The following NRG3 variants were observed in gnomAD, a reference collection of about 807,000 sequenced individuals.
NRG3 encodes pro-neuregulin-3, membrane-bound isoform.
In NRG3, 31 loss-of-function variants were observed where a neutral mutation model predicts 66.9. That is an observed-to-expected ratio of 0.46 (90% CI 0.35 to 0.63). NRG3 has a LOEUF of 0.63. NRG3 is among the 20% of genes least tolerant of loss of function. The pLI is 0.00. For synonymous variants in NRG3, 393 were observed against 359.4 expected (o/e 1.09, Z -1.06); for missense variants, 910 against 878.9 (o/e 1.04, Z -0.45).
At chr10:82,937,505 T>G (rs374115441) in intron 4 of NRG3, among the ~76,000 whole-genome samples, 2 of 152,172 alleles carry the variant, frequency 1.3e-5, no homozygotes, top group East Asian at 3.8e-4. Flanking sequence ...AAAGAAAAAC[T>G]GGAGAAAAGT....
In NRG3 at chr10:81,926,982, C is replaced by G. The variant is rs184410367; in HGVS notation, c.823+50819C>G. ...GCATGCTCTGGATTTTATGGCATTG[C>G]GTGTGGCGACAGTATTGTAATGTAA... On this transcript the variant is annotated intron_variant, in intron 1 of 8. Coordinates refer to ENST00000372141, the MANE Select transcript of NRG3 (RefSeq NM_001010848.4). 1.1e-3 allele frequency among the ~76,000 whole-genome samples: 174 copies of G among 152,222 alleles called. 1 individual carries two copies. The highest frequency in any genetic ancestry group is 0.01 in the Middle Eastern group (3 of 294).
chr10:82,127,190 T>C (rs1230328636), intron 1 of NRG3, among the ~76,000 whole-genome samples: 3 of 152,108 alleles, frequency 2.0e-5, no homozygotes, highest in Non-Finnish European at 4.4e-5. Context: ...GTCATCTCTG[T>C]TCAATGGAAT....
At chr10:82,647,664 C>T (rs375448941) in intron 2 of NRG3, among the ~76,000 whole-genome samples, 21,463 of 149,606 alleles carry the variant, frequency 0.14, 1,665 homozygotes, top group Middle Eastern at 0.28. Flanking sequence ...TCTCCAGCAC[C>T]TGTTGTTTCC....
In NRG3 at chr10:82,959,086, T is replaced by G; in HGVS notation, c.1284+11T>G. On this transcript the variant is annotated intron_variant, in intron 6 of 8. Transcript: ENST00000372141. ...GTCCAGCTGCAAAATGTAAGTGACA[T>G]GTCTACACACCTCCTCCTATAGCCT... 6.3e-7 allele frequency: 1 copy of G among 1,589,052 alleles called. No individual in the cohort carries two copies. The highest frequency in any genetic ancestry group is 8.5e-7 in the Non-Finnish European group (1 of 1,171,092).
At chr10:82,083,501 A>T (rs1004937270) in intron 1 of NRG3, among the ~76,000 whole-genome samples, 9 of 151,958 alleles carry the variant, frequency 5.9e-5, no homozygotes, top group Non-Finnish European at 8.8e-5. Flanking sequence ...TTGTCTAGGT[A>T]CTGGGTAGAG....
At chr10:82,760,413 GA>G (rs1276586556) in intron 3 of NRG3, among the ~76,000 whole-genome samples, 1 of 152,098 alleles carries the variant, frequency 6.6e-6, no homozygotes, top group East Asian at 1.9e-4. Flanking sequence ...CAGCCAAAGA[GA>G]AAACATGAAC....
intron 2 of NRG3, among the ~76,000 whole-genome samples, chr10:82,383,075 A>G (rs1384974564): frequency 6.6e-6 from 1 of 151,972 alleles, no homozygotes; most frequent in Non-Finnish European, 1.5e-5. Flanking sequence ...TTTATTCATT[A>G]CATATTCTGG....
chr10:82,631,240 T>A (rs2133724097), intron 2 of NRG3, among the ~76,000 whole-genome samples: 1 of 152,262 alleles, frequency 6.6e-6, no homozygotes, highest in East Asian at 1.9e-4. Context: ...TACTAAGAAA[T>A]ATTGTAAATG....
At chr10:82,000,917 A>G (rs2061138373) in intron 1 of NRG3, among the ~76,000 whole-genome samples, 1 of 152,162 alleles carries the variant, frequency 6.6e-6, no homozygotes, top group African/African-American at 2.4e-5. Context: ...TCTCTTTTAA[A>G]ATAATTTTAT....
intron 1 of NRG3, among the ~76,000 whole-genome samples, chr10:82,311,533 TAAAA>T (rs1359571105): frequency 1.3e-5 from 2 of 151,950 alleles, no homozygotes; most frequent in African/African-American, 4.8e-5. Flanking sequence ...CTAAATAAAA[TAAAA>T]AACCGAATAG....
chr10:82,720,918 G>A (rs1208306509), intron 2 of NRG3, among the ~76,000 whole-genome samples: 1 of 146,722 alleles, frequency 6.8e-6, no homozygotes, highest in African/African-American at 2.6e-5. Context: ...TTGAGTTCAA[G>A]TCACTGCTCA....
chr10:82,211,235 A>G (rs2075376952), intron 1 of NRG3, among the ~76,000 whole-genome samples: 1 of 152,172 alleles, frequency 6.6e-6, no homozygotes, highest in Admixed American at 6.6e-5. Context: ...TTTCTGAGGA[A>G]AAGTCGCTGA....
At chr10:82,273,094 A>G (rs538507627) in intron 1 of NRG3, among the ~76,000 whole-genome samples, 1 of 152,050 alleles carries the variant, frequency 6.6e-6, no homozygotes, top group Non-Finnish European at 1.5e-5. Context: ...TTTCAAATAG[A>G]TGTTTCCAAC....
At chr10:82,257,955 C>T (rs2077820716) in intron 1 of NRG3, among the ~76,000 whole-genome samples, 4 of 152,180 alleles carry the variant, frequency 2.6e-5, no homozygotes, top group Admixed American at 2.6e-4. Flanking sequence ...GTGGATAACT[C>T]TCTCCTCCTT....
chr10:82,887,256 A>G (rs910893922), intron 4 of NRG3, among the ~76,000 whole-genome samples: 1 of 152,216 alleles, frequency 6.6e-6, no homozygotes, highest in African/African-American at 2.4e-5. Flanking sequence ...TTCATAAGTC[A>G]CTTTTAATGA....
At chr10:82,025,784 A>G (rs367777007) in intron 1 of NRG3, among the ~76,000 whole-genome samples, 1 of 152,094 alleles carries the variant, frequency 6.6e-6, no homozygotes, top group African/African-American at 2.4e-5. Flanking sequence ...TTCTTTGTAA[A>G]TAGCTTGTTT....
In NRG3 at chr10:82,358,720, C is replaced by T; in HGVS notation, c.824-19C>T. 1.9e-6 allele frequency: 3 copies of T among 1,613,986 alleles called. No homozygotes were observed. In the South Asian group the frequency reaches 3.3e-5, roughly 18 times the overall value. On this transcript the variant is annotated intron_variant, in intron 1 of 8. Coordinates refer to ENST00000372141, the MANE Select transcript of NRG3 (RefSeq NM_001010848.4). ...GAATGTACTGCTGACAGCGTTTCCCCCTGTGCTTTCCCTGACAGATACGAC... is the reference window on the plus strand; with the variant it reads ...GAATGTACTGCTGACAGCGTTTCCCTCTGTGCTTTCCCTGACAGATACGAC...
At chr10:82,978,089 T>A (rs542615154) in intron 7 of NRG3, among the ~76,000 whole-genome samples, 6 of 152,288 alleles carry the variant, frequency 3.9e-5, no homozygotes, top group African/African-American at 1.2e-4. Context: ...TCTCGTGGAA[T>A]GTCTACACAT....
Position 82,802,661 on chromosome 10 carries a change from T to A in NRG3, c.1028-62750T>A, listed in dbSNP as rs1014374834. ...CCAGGCCCTTTATTTTTATTTTTTT[T>A]AAATTTTTTGAGACAAGATCTCGCT... On this transcript the variant is annotated intron_variant, in intron 3 of 8. Coordinates refer to ENST00000372141, the MANE Select transcript of NRG3 (RefSeq NM_001010848.4). Among the ~76,000 whole-genome samples the A allele has an allele frequency of 1.5e-4, 23 of 152,140 alleles. 1 individual carries two copies. Among genetic ancestry groups the A allele is most frequent in the South Asian group, 6.2e-4 (3 of 4,814 alleles).
Sources: allele counts gnomAD v4.1 joint callset (sites outside exome capture counted in the v4.1 genomes callset), GRCh38; gene constraint gnomAD v4.1.1; transcripts MANE v1.5; gene names NCBI Gene and HGNC (gene_info 2026-07-23, HGNC 2026-07-21).